MTF2: variants seen among roughly 807,000 people sequenced by gnomAD.
The protein encoded by MTF2 is metal-response element-binding transcription factor 2.
A neutral mutation model predicts 79.5 loss-of-function variants in MTF2; 11 were observed. The ratio of observed to expected loss-of-function variants is 0.14; its 90% confidence interval spans 0.09 to 0.23. MTF2 has a LOEUF of 0.23. Among genes scored for constraint, MTF2 ranks in the 10% least tolerant of loss-of-function variants. MTF2 has a pLI of 1.00. For synonymous variants in MTF2, 208 were observed against 232.8 expected (o/e 0.89, Z 0.97); for missense variants, 486 against 711.2 (o/e 0.68, Z 3.60).
chr1:93,120,408 A>G (rs1656428100), intron 8 of MTF2, 141 bp from the exon 9 acceptor site: 3 of 591,226 alleles, frequency 5.1e-6, no homozygotes, highest in African/African-American at 4.0e-5. Context: ...TTTTATGTGT[A>G]GTGATTTATT....
At chr1:93,104,094 A>G (rs1286560328) in intron 1 of MTF2, among the ~76,000 whole-genome samples, 1 of 145,208 alleles carries the variant, frequency 6.9e-6, no homozygotes, top group African/African-American at 2.6e-5. Flanking sequence ...GTATGCCACT[A>G]CACCCAGCTT....
chr1:93,101,453 C>T (rs1219370522), intron 1 of MTF2, among the ~76,000 whole-genome samples: 1 of 145,208 alleles, frequency 6.9e-6, no homozygotes, highest in African/African-American at 2.6e-5. Context: ...GATTCCAGCT[C>T]ACTGCAGTCT....
chr1:93,088,817 T>A (rs1393118601), intron 1 of MTF2, among the ~76,000 whole-genome samples: 1 of 152,126 alleles, frequency 6.6e-6, no homozygotes, highest in Non-Finnish European at 1.5e-5. Flanking sequence ...TCTGCCTGCC[T>A]CAGCCTACCA....
chr1:93,080,456 T>C (rs1386475486), intron 1 of MTF2, among the ~76,000 whole-genome samples: 2 of 152,164 alleles, frequency 1.3e-5, no homozygotes, highest in Admixed American at 6.5e-5. Context: ...TTGTGAACAA[T>C]GGGAAAAGGC....
At chr1:93,086,778 A>G (rs1017906399) in intron 1 of MTF2, among the ~76,000 whole-genome samples, 3 of 152,218 alleles carry the variant, frequency 2.0e-5, no homozygotes, top group Admixed American at 2.0e-4. Flanking sequence ...TGTGATAAAT[A>G]CAGAGCTTTG....
chr1:93,128,289 G>T lies in MTF2; in HGVS notation c.990-989G>T, dbSNP rs563803055. Among the ~76,000 whole-genome samples the T allele has an allele frequency of 3.2e-4, 48 of 152,172 alleles. 1 individual carries two copies. In the South Asian group the frequency reaches 3.9e-3, roughly 12 times the overall value. On this transcript the variant is annotated intron_variant, in intron 10 of 14. Transcript: ENST00000370298. ...GTAGAACATTTTGGTTGGGCGTGGT[G>T]GCTCACACCTGTAATCCCAGCACTT...
At chr1:93,135,439 G>T (rs1364372947) in intron 14 of MTF2, among the ~76,000 whole-genome samples, 2 of 151,358 alleles carry the variant, frequency 1.3e-5, no homozygotes, top group Non-Finnish European at 2.9e-5. Flanking sequence ...TGCTTAAAGT[G>T]TAACCCATTT....
In MTF2 at chr1:93,119,319, T is replaced by C. The variant is rs201544260; in HGVS notation, c.729-14T>C. The C allele has an allele frequency of 3.9e-6, 6 of 1,548,352 alleles. No homozygotes were observed. The highest frequency in any genetic ancestry group is 2.8e-5 in the African/African-American group (2 of 70,982). On this transcript the variant is annotated splice_polypyrimidine_tract_variant and intron_variant, in intron 7 of 14. Transcript: ENST00000370298. Reference sequence around the variant, plus strand: ...ACTCAGTATAAAACTTTTTCTTTTTTTTTTTTTTCTTAGATTTTATACGTT... The same window carrying C: ...ACTCAGTATAAAACTTTTTCTTTTTCTTTTTTTTCTTAGATTTTATACGTT...
intron 1 of MTF2, among the ~76,000 whole-genome samples, chr1:93,084,769 T>C (rs1316959085): frequency 2.0e-5 from 3 of 152,134 alleles, no homozygotes; most frequent in South Asian, 2.1e-4. Context: ...GGCAGGAGGA[T>C]TGGGTAGGAG....
intron 1 of MTF2, among the ~76,000 whole-genome samples, chr1:93,091,661 A>G (rs1322863079): frequency 1.3e-5 from 2 of 152,254 alleles, no homozygotes; most frequent in East Asian, 3.8e-4. Context: ...CCATCATTGC[A>G]TAAAAGATAC....
At chr1:93,103,066 A>G (rs1655613886) in intron 1 of MTF2, among the ~76,000 whole-genome samples, 2 of 151,754 alleles carry the variant, frequency 1.3e-5, no homozygotes, top group South Asian at 2.1e-4. Context: ...CGGGAGGCAG[A>G]GGTTGCAGTG....
rs1647520020 is a variant in MTF2 at position 93,139,050 on chromosome 1, A to G, written c.*2023A>G. 1 of 152,262 alleles carries G rather than the reference A, an allele frequency of 6.6e-6. No individual in the cohort carries two copies. Among genetic ancestry groups the G allele is most frequent in the Non-Finnish European group, 1.5e-5 (1 of 68,038 alleles). 9.4% of individuals were successfully genotyped at this position (152,262 alleles called of 1,614,324 possible). A position where few individuals can be genotyped will look rare whatever the true frequency, so the allele number is the denominator to read the frequency against. ...TTTACTTAGAAATTAAAACAGACCA[A>G]CATTAAATGTGTGTATTTTTTAAAG... On this transcript the variant is annotated 3_prime_UTR_variant, in exon 15 of 15. Coordinates refer to ENST00000370298, the MANE Select transcript of MTF2 (RefSeq NM_007358.4).
At chr1:93,115,641 T>A (rs1440496583) in intron 6 of MTF2, 23 bp downstream of exon 6, 1 of 1,491,788 alleles carries the variant, frequency 6.7e-7, no homozygotes, top group Non-Finnish European at 9.0e-7. Flanking sequence ...AGTTATGTAA[T>A]TCCCTTTAAG....
At chr1:93,089,740 A>G (rs1654992487) in intron 1 of MTF2, among the ~76,000 whole-genome samples, 1 of 151,208 alleles carries the variant, frequency 6.6e-6, no homozygotes, top group Admixed American at 6.6e-5. Context: ...TGTTTTAGAG[A>G]TTGTGTCTGT....
At chr1:93,080,318 T>C (rs1347191232) in intron 1 of MTF2, among the ~76,000 whole-genome samples, 1 of 152,200 alleles carries the variant, frequency 6.6e-6, no homozygotes, top group African/African-American at 2.4e-5. Context: ...TCTTAACATA[T>C]TTCGGTAGTG....
intron 1 of MTF2, among the ~76,000 whole-genome samples, chr1:93,086,728 G>A (rs929858684): frequency 1.3e-5 from 2 of 152,066 alleles, no homozygotes; most frequent in African/African-American, 4.8e-5. Context: ...TTTTGTTGGT[G>A]TTTGAAGAAC....
rs1371515119 is a variant in MTF2 at position 93,129,273 on chromosome 1, T to A, written c.990-5T>A. The stretch of plus-strand genomic sequence containing the variant: ...AAATTTTAGTTAATTTTTTTAAAAA[T>A]TTAGGTTTATGTCTGGGAAAGAAAT... On this transcript the variant is annotated splice_region_variant and splice_polypyrimidine_tract_variant and intron_variant, in intron 10 of 14. Transcript: ENST00000370298. 6.5e-7 allele frequency: 1 copy of A among 1,532,194 alleles called. No individual in the cohort carries two copies. Among genetic ancestry groups the A allele is most frequent in the Non-Finnish European group, 8.8e-7 (1 of 1,134,984 alleles). 94.9% of individuals were successfully genotyped at this position (1,532,194 alleles called of 1,614,324 possible).
intron 9 of MTF2, 61 bp from the exon 10 acceptor site, chr1:93,127,171 A>T: frequency 8.8e-7 from 1 of 1,140,710 alleles, no homozygotes. Context: ...TCTATCTAGC[A>T]CCTGTATATT....
At chr1:93,117,181 A>G (rs1335277595) in intron 6 of MTF2, among the ~76,000 whole-genome samples, 1 of 152,194 alleles carries the variant, frequency 6.6e-6, no homozygotes, top group African/African-American at 2.4e-5. Context: ...TCCGATAAAG[A>G]TAACCGTATC....
Sources: gnomAD v4.1 joint callset for allele counts (sites outside exome capture counted in the v4.1 genomes callset) on GRCh38, gnomAD v4.1.1 for gene constraint, MANE v1.5 for transcripts, NCBI Gene and HGNC (gene_info 2026-07-23, HGNC 2026-07-21) for gene names.